Variants in ZBTB11 observed in about 807,000 individuals in gnomAD.
The protein encoded by ZBTB11 is zinc finger and BTB domain-containing protein 11.
In ZBTB11, 68 loss-of-function variants were observed where a neutral mutation model predicts 113.1. That is an observed-to-expected ratio of 0.60 (90% confidence interval 0.49 to 0.74). The LOEUF (loss-of-function observed/expected upper bound fraction) is 0.74, where lower values mean the gene tolerates loss of function less well. Ranked by LOEUF, ZBTB11 falls within the 30% of genes least tolerant of loss-of-function variation. ZBTB11 has a pLI of 0.00. For synonymous variants in ZBTB11, 518 were observed against 452.6 expected (o/e 1.14, Z -1.83); for missense variants, 1,104 against 1,279.4 (o/e 0.86, Z 2.09).
intron 5 of ZBTB11, among the ~76,000 whole-genome samples, chr3:101,661,309 G>C (rs987341295): frequency 2.0e-5 from 3 of 151,646 alleles, no homozygotes; most frequent in Non-Finnish European, 4.4e-5. Flanking sequence ...GCTTCATCCT[G>C]GGATCCCCTT....
chr3:101,671,845 T>C lies in ZBTB11; in HGVS notation c.546+133A>G, dbSNP rs376455454. The C allele has an allele frequency of 1.3e-4, 94 of 704,872 alleles. No individual in the cohort carries two copies. The African/African-American group carries it at 1.4e-3, about 11-fold the overall frequency. 43.7% of individuals were successfully genotyped at this position (704,872 alleles called of 1,614,324 possible). On this transcript the variant is annotated intron_variant, in intron 2 of 10. Transcript: ENST00000312938. ...ATAAATGAAGAGGCAGTTCAGCTTA[T>C]ATAACACAGTACACTGCCATTTTGT...
At position 101,676,532 on chromosome 3, in the gene ZBTB11, A is replaced by C. The variant is rs1463248404; in HGVS notation, c.310+73T>G. The C allele has an allele frequency of 2.1e-6, 3 of 1,400,158 alleles. No individual in the cohort carries two copies. In the African/African-American group the frequency reaches 4.5e-5, roughly 21 times the overall value. The allele number at this position is 1,400,158 out of a possible 1,614,324, so 86.7% of individuals were successfully genotyped here. ...GAGACCCTCCGACTCGTGGGTACGC[A>C]TAGGCCTCGCCAGCGAGCCTTGCCC... On this transcript the variant is annotated intron_variant, in intron 1 of 10. Transcript: ENST00000312938.
In ZBTB11 at chr3:101,664,592, G is replaced by GT; in HGVS notation, c.1745dup (p.Tyr582Ter). Reference sequence around the variant, plus strand: ...GTTTCAGTTTGTGCATTATAAGGGCGTATCGTCTCTGAAAAACCATTCCAC... The same window carrying GT: ...GTTTCAGTTTGTGCATTATAAGGGCGTTATCGTCTCTGAAAAACCATTCCAC... ...GECGMVFQRR[Y>*]ALIMHKLKHE... The change falls in exon 5 of 11, where the codon TAC (tyrosine) becomes TAAC (stop). Residue 582 changes from tyrosine (Y) to a stop codon, truncating the protein, a stop_gained and frameshift_variant. Coordinates refer to ENST00000312938, the MANE Select transcript of ZBTB11 (RefSeq NM_014415.4). LOFTEE classifies it high-confidence loss of function. 6.2e-7 allele frequency: 1 copy of GT among 1,613,636 alleles called. No homozygotes were observed. The highest frequency in any genetic ancestry group is 8.5e-7 in the Non-Finnish European group (1 of 1,179,872).
chr3:101,653,717 C>A (rs1404589914), intron 8 of ZBTB11, among the ~76,000 whole-genome samples: 1 of 152,122 alleles, frequency 6.6e-6, no homozygotes, highest in Non-Finnish European at 1.5e-5. Context: ...AAGTAGAGGA[C>A]AAACTGGCAA....
chr3:101,658,630 C>T (rs56291106), intron 6 of ZBTB11, among the ~76,000 whole-genome samples: 45,880 of 151,952 alleles, frequency 0.3, 7,243 homozygotes, highest in Non-Finnish European at 0.34. Context: ...TTCAAATGAC[C>T]GGAGACCACT....
chr3:101,651,246 G>A lies in ZBTB11; in HGVS notation c.3082C>T (p.Gln1028Ter), dbSNP rs1936696786. ...GCAACTTCAGATAGCTTCTGTCCTTGCTGTTGTGCTAATACATAATTAACC... is the reference window on the plus strand; with the variant it reads ...GCAACTTCAGATAGCTTCTGTCCTTACTGTTGTGCTAATACATAATTAACC... The part of the protein sequence containing the change: ...QVVNYVLAQQ[Q>*]GQKLSEVAEA... Residue 1028 changes from glutamine (Q) to a stop codon, truncating the protein, a stop_gained, in exon 11 of 11, where the codon CAA becomes TAA. Coordinates refer to ENST00000312938, the MANE Select transcript of ZBTB11 (RefSeq NM_014415.4). LOFTEE classifies it high-confidence loss of function. 1.9e-6 allele frequency: 3 copies of A among 1,613,930 alleles called. No homozygotes were observed. The highest frequency in any genetic ancestry group is 1.7e-6 in the Non-Finnish European group (2 of 1,179,974).
chr3:101,658,199 C>T (rs551729521), intron 6 of ZBTB11, among the ~76,000 whole-genome samples: 4 of 151,942 alleles, frequency 2.6e-5, no homozygotes, highest in South Asian at 2.1e-4. Flanking sequence ...TGGATGGAAC[C>T]GGAGACCACT....
chr3:101,658,439 G>A (rs1004590816), intron 6 of ZBTB11, among the ~76,000 whole-genome samples: 11 of 152,000 alleles, frequency 7.2e-5, no homozygotes, highest in African/African-American at 2.7e-4. Flanking sequence ...AGCCAGGATG[G>A]TCTCGATCTC....
rs199696195 is a variant in ZBTB11, at chr3:101,651,307, C to T, written c.3021G>A (p.Ser1007=). The T allele has an allele frequency of 7.4e-6, 12 of 1,614,038 alleles. No homozygotes were observed. Among genetic ancestry groups the T allele is most frequent in the African/African-American group, 4.0e-5 (3 of 74,922 alleles). Reference sequence around the variant, plus strand: ...TACTTTGGTCAGAAAGTGTAGATACCGATGGATACTCTTCAGTAGCTGCAA... The same window carrying T: ...TACTTTGGTCAGAAAGTGTAGATACTGATGGATACTCTTCAGTAGCTGCAA... ...EAVAATEEYP[S]VSTLSDQSIM... Residue 1007 remains serine, a synonymous_variant, in exon 11 of 11, where the codon TCG becomes TCA. Transcript: ENST00000312938.
In ZBTB11 at chr3:101,677,125, T is replaced by A. The variant is rs1016184854; in HGVS notation, c.-211A>T. 5.4e-6 allele frequency: 3 copies of A among 551,520 alleles called. 1 individual carries two copies. The Admixed American group carries it at 1.1e-4, about 21-fold the overall frequency. The allele number at this position is 551,520 out of a possible 1,614,324, so 34.2% of individuals were successfully genotyped here. A position where few individuals can be genotyped will look rare whatever the true frequency, so the allele number is the denominator to read the frequency against. Reference sequence around the variant, plus strand: ...CACTTCTCCAGCGCGCGGGATCCGCTGGCGACTGACAAAATGGCTGCTGCA... The same window carrying A: ...CACTTCTCCAGCGCGCGGGATCCGCAGGCGACTGACAAAATGGCTGCTGCA... On this transcript the variant is annotated 5_prime_UTR_variant, in exon 1 of 11. Transcript: ENST00000312938.
rs1937181103 is a variant in ZBTB11 at position 101,676,677 on chromosome 3, G to A, written c.238C>T (p.Leu80=). The change falls in exon 1 of 11, where the codon CTG becomes TTG. Residue 80 remains leucine (L), a synonymous_variant. Transcript: ENST00000312938. ...GTGTGGTGAGTGCCGCCGGGACCCA[G>A]GTGCGCCGCCTCGATGAGGTCCCGG... ...RRRDLIEAAH[L]GPGGTHHTRH... 1 of 1,595,148 alleles carries A rather than the reference G, an allele frequency of 6.3e-7. No individual in the cohort carries two copies. The highest frequency in any genetic ancestry group is 1.3e-5 in the African/African-American group (1 of 74,648).
intron 10 of ZBTB11, 84 bp downstream of exon 10, chr3:101,652,412 A>G: frequency 7.5e-7 from 1 of 1,338,662 alleles, no homozygotes; most frequent in South Asian, 1.5e-5. Context: ...TTTACCAAGG[A>G]AGGTGAAAGA....
chr3:101,671,730 T>G, intron 2 of ZBTB11: 1 of 596,524 alleles, frequency 1.7e-6, no homozygotes, highest in South Asian at 2.1e-5. Flanking sequence ...TACCAATATA[T>G]CATCACAAAA....
intron 8 of ZBTB11, 103 bp downstream of exon 8, chr3:101,654,601 A>G: frequency 1.1e-6 from 1 of 931,160 alleles, no homozygotes; most frequent in Non-Finnish European, 1.7e-6. Flanking sequence ...TAAAATCAAG[A>G]GTAAACTGAA....
intron 6 of ZBTB11, 137 bp downstream of exon 6, chr3:101,659,646 G>T: frequency 9.8e-7 from 1 of 1,023,938 alleles, no homozygotes; most frequent in Non-Finnish European, 1.4e-6. Flanking sequence ...TTTGATCTAG[G>T]CAATAAAGAA....
At chr3:101,664,818 T>G (rs1936953186) in intron 4 of ZBTB11, 104 bp from the exon 5 acceptor site, 1 of 1,467,414 alleles carries the variant, frequency 6.8e-7, no homozygotes, top group South Asian at 1.4e-5. Context: ...CACATTATCT[T>G]ATTAATACTG....
At position 101,665,746 on chromosome 3, in the gene ZBTB11, C is replaced by T. The variant is rs144059662; in HGVS notation, c.841G>A (p.Asp281Asn). 6.2e-7 allele frequency: 1 copy of T among 1,613,762 alleles called. No homozygotes were observed. Among genetic ancestry groups the T allele is most frequent in the African/African-American group, 1.3e-5 (1 of 74,874 alleles). Residue 281 changes from aspartate to asparagine, a missense_variant, in exon 4 of 11, where the codon GAT (aspartate) becomes AAT (asparagine). Asp to Asn is a conservative substitution (Grantham distance 23). This residue lies in a region of ZBTB11 where 86 missense variants were observed against 131.0 expected (regional missense o/e 0.66). Transcript: ENST00000312938. ...GCTACATCAGCCATGCTACAGAAAT[C>T]AAAACTTAGTACAGAAGTATAGGCA... ...EFAYTSVLSF[D>N]FCSMADVAIL...
At chr3:101,673,540 GTCTC>G (rs1203606242) in intron 1 of ZBTB11, among the ~76,000 whole-genome samples, 6 of 150,642 alleles carry the variant, frequency 4.0e-5, no homozygotes, top group South Asian at 4.2e-4. Flanking sequence ...TTGAAATGGA[GTCTC>G]TCTCTGTTGC....
chr3:101,675,973 G>T (rs1937160736), intron 1 of ZBTB11, among the ~76,000 whole-genome samples: 1 of 152,010 alleles, frequency 6.6e-6, no homozygotes, highest in Non-Finnish European at 1.5e-5. Context: ...AACAGTAACT[G>T]ATATCTTTTA....
Sources: gnomAD v4.1 joint callset for allele counts (sites outside exome capture counted in the v4.1 genomes callset) on GRCh38, gnomAD v4.1.1 for gene constraint, gnomAD v4.1.1 regional missense constraint, MANE v1.5 for transcripts, NCBI Gene and HGNC (gene_info 2026-07-23, HGNC 2026-07-21) for gene names.